The following LSAMP variants were observed in gnomAD, a reference collection of about 807,000 sequenced individuals.
LSAMP encodes limbic system-associated membrane protein.
Under a neutral mutation model 38.6 loss-of-function variants are expected in LSAMP, and 7 were observed. The observed-to-expected ratio is 0.18, with a 90% CI of 0.10 to 0.34. The LOEUF is 0.34. Ranked by LOEUF, LSAMP falls within the 10% of genes least tolerant of loss-of-function variation. The probability of loss-of-function intolerance (pLI) is 1.00; values close to 1 mark genes in which losing one functional copy is unlikely to be tolerated. For missense variants in LSAMP, 313 were observed against 420.0 expected (o/e 0.75, Z 2.23); for synonymous variants, 154 against 166.8 (o/e 0.92, Z 0.59).
At chr3:116,168,974 G>C (rs1184318443) in intron 1 of LSAMP, among the ~76,000 whole-genome samples, 1 of 152,170 alleles carries the variant, frequency 6.6e-6, no homozygotes, top group African/African-American at 2.4e-5. Flanking sequence ...GCTGAGGCAG[G>C]AGGATCATTT....
chr3:116,444,229 C>T (rs548371831), intron 1 of LSAMP, among the ~76,000 whole-genome samples: 29 of 152,230 alleles, frequency 1.9e-4, no homozygotes, highest in African/African-American at 6.7e-4. Flanking sequence ...TTTATATCCA[C>T]ATTCCAGGAA....
At chr3:116,004,181 A>G (rs1309083415) in intron 3 of LSAMP, among the ~76,000 whole-genome samples, 2 of 152,156 alleles carry the variant, frequency 1.3e-5, no homozygotes, top group African/African-American at 4.8e-5. Context: ...GGGCTTCAAT[A>G]TAATATTCAG....
intron 1 of LSAMP, among the ~76,000 whole-genome samples, chr3:116,236,148 G>T (rs1241760509): frequency 6.6e-6 from 1 of 151,932 alleles, no homozygotes; most frequent in African/African-American, 2.4e-5. Flanking sequence ...ACTTTGTAGT[G>T]AATCCATTTT....
intron 3 of LSAMP, among the ~76,000 whole-genome samples, chr3:115,991,008 T>C (rs371737341): frequency 2.1e-4 from 32 of 152,184 alleles, no homozygotes; most frequent in African/African-American, 7.7e-4. Flanking sequence ...TAAAGACATC[T>C]CAGCATTTTA....
chr3:116,095,199 G>A lies in LSAMP; in HGVS notation c.156-8643C>T, dbSNP rs189654855. ...TATTCACATGTGCTCTACTGTGAAA[G>A]CACCCTTTCTGTGATTAGGCTACCA... is the stretch of plus-strand genomic sequence containing the variant. On this transcript the variant is annotated intron_variant, in intron 1 of 6. Transcript: ENST00000490035. 1.6e-4 allele frequency among the ~76,000 whole-genome samples: 25 copies of A among 152,246 alleles called. No homozygotes were observed. In the East Asian group the frequency reaches 4.8e-3, roughly 29 times the overall value.
chr3:116,415,006 T>C (rs754305454), intron 1 of LSAMP, among the ~76,000 whole-genome samples: 2 of 151,938 alleles, frequency 1.3e-5, no homozygotes, highest in Non-Finnish European at 2.9e-5. Flanking sequence ...CTATCAGACC[T>C]CATTGGCCAT....
At chr3:116,032,646 A>G (rs1940952459) in intron 2 of LSAMP, among the ~76,000 whole-genome samples, 1 of 151,808 alleles carries the variant, frequency 6.6e-6, no homozygotes, top group Non-Finnish European at 1.5e-5. Context: ...AAATTTATGG[A>G]AAAAAAATTA....
intron 1 of LSAMP, among the ~76,000 whole-genome samples, chr3:116,335,724 T>C (rs2047911908): frequency 6.6e-6 from 1 of 152,032 alleles, no homozygotes; most frequent in African/African-American, 2.4e-5. Context: ...CTAACCTACC[T>C]TAAGCATGCT....
At position 115,825,505 on chromosome 3, in the gene LSAMP, G is replaced by T. The variant is rs796833561; in HGVS notation, c.920-15091C>A. ...CATCAAACCTCCTTACTGAAAAGCT[G>T]CAAGTTTTCTCTAGACATTCTGCTA... On this transcript the variant is annotated intron_variant, in intron 6 of 6. Transcript: ENST00000490035. Among the ~76,000 whole-genome samples the T allele has an allele frequency of 2.7e-4, 41 of 152,260 alleles. 1 individual carries two copies. The highest frequency in any genetic ancestry group is 9.6e-4 in the African/African-American group (40 of 41,556).
intron 1 of LSAMP, among the ~76,000 whole-genome samples, chr3:116,316,885 T>C (rs1162939546): frequency 6.6e-6 from 1 of 151,760 alleles, no homozygotes; most frequent in Non-Finnish European, 1.5e-5. Flanking sequence ...TAAAAGAGGA[T>C]TAAACCTGAA....
chr3:116,091,603 T>A (rs915588330), intron 1 of LSAMP, among the ~76,000 whole-genome samples: 2 of 152,252 alleles, frequency 1.3e-5, no homozygotes, highest in African/African-American at 4.8e-5. Context: ...TCTTCTGTCA[T>A]GGCTTCAGCC....
chr3:116,260,014 C>T (rs191095626), intron 1 of LSAMP, among the ~76,000 whole-genome samples: 3 of 151,960 alleles, frequency 2.0e-5, no homozygotes, highest in Admixed American at 6.6e-5. Context: ...CTCAATATTC[C>T]CCCTGCAATT....
intron 3 of LSAMP, among the ~76,000 whole-genome samples, chr3:115,938,518 T>C (rs186491318): frequency 3.3e-5 from 5 of 152,274 alleles, no homozygotes; most frequent in Admixed American, 6.5e-5. Flanking sequence ...TTGTAAACTA[T>C]GTTTACGACC....
chr3:115,838,611 A>G (rs887201884), intron 6 of LSAMP, among the ~76,000 whole-genome samples: 4 of 152,234 alleles, frequency 2.6e-5, no homozygotes, highest in Non-Finnish European at 5.9e-5. Context: ...TTACTTGGTT[A>G]TACCGACTGA....
chr3:116,261,639 A>G (rs1252678354), intron 1 of LSAMP, among the ~76,000 whole-genome samples: 1 of 152,158 alleles, frequency 6.6e-6, no homozygotes, highest in Non-Finnish European at 1.5e-5. Flanking sequence ...GGAAATTAGC[A>G]CAGTGTCCTG....
rs1218457579 is a variant in LSAMP at position 116,218,306 on chromosome 3, G to A, written c.156-131750C>T. On this transcript the variant is annotated intron_variant, in intron 1 of 6. Coordinates refer to ENST00000490035, the MANE Select transcript of LSAMP (RefSeq NM_002338.5). ...GATCAATTATCAACATTCTACCTATGTATACTACCTGTGATTTGCAATAAA... is the reference window on the plus strand; with the variant it reads ...GATCAATTATCAACATTCTACCTATATATACTACCTGTGATTTGCAATAAA... Among the ~76,000 whole-genome samples the A allele has an allele frequency of 3.9e-5, 6 of 152,134 alleles. No homozygotes were observed. The East Asian group carries it at 5.8e-4, about 15-fold the overall frequency.
In LSAMP at chr3:116,321,215, G is replaced by T. The variant is rs115997563; in HGVS notation, c.155+123662C>A. Reference sequence around the variant, plus strand: ...AAAACCCTGTCTCTACCAAAAATTTGTCTTAAAAAATAGCTGGGTTTGTGG... The same window carrying T: ...AAAACCCTGTCTCTACCAAAAATTTTTCTTAAAAAATAGCTGGGTTTGTGG... On this transcript the variant is annotated intron_variant, in intron 1 of 6. Coordinates refer to ENST00000490035, the MANE Select transcript of LSAMP (RefSeq NM_002338.5). 4.0e-3 allele frequency among the ~76,000 whole-genome samples: 602 copies of T among 151,998 alleles called. 2 individuals carry two copies. The highest frequency in any genetic ancestry group is 6.6e-3 in the Non-Finnish European group (450 of 67,930).
intron 3 of LSAMP, among the ~76,000 whole-genome samples, chr3:115,916,557 A>C (rs1297086078): frequency 6.6e-6 from 1 of 152,122 alleles, no homozygotes; most frequent in African/African-American, 2.4e-5. Flanking sequence ...AGTCACCTTT[A>C]CCTTCTCTTG....
intron 1 of LSAMP, among the ~76,000 whole-genome samples, chr3:116,222,679 T>G (rs1484780688): frequency 6.7e-6 from 1 of 149,004 alleles, no homozygotes; most frequent in Middle Eastern, 3.6e-3. Flanking sequence ...CAACATCTTC[T>G]TTGAGTCTGC....
Sources: gnomAD v4.1 joint callset for allele counts (sites outside exome capture counted in the v4.1 genomes callset) on GRCh38, gnomAD v4.1.1 for gene constraint, MANE v1.5 for transcripts, NCBI Gene and HGNC (gene_info 2026-07-23, HGNC 2026-07-21) for gene names.